Variants in CELF6 observed in about 807,000 individuals in gnomAD.
CELF6 encodes CUGBP Elav-like family member 6.
In CELF6, 32 loss-of-function variants were observed where a neutral mutation model predicts 53.1. That is an observed-to-expected ratio of 0.60 (90% confidence interval 0.46 to 0.81). The LOEUF is 0.81. Ranked by LOEUF, CELF6 falls within the 30% of genes least tolerant of loss-of-function variation. CELF6 has a pLI of 0.00. For synonymous variants in CELF6, 291 were observed against 288.8 expected, an observed-to-expected ratio of 1.01 and a Z score of -0.08; for missense variants, 539 against 669.5, an observed-to-expected ratio of 0.81 and a Z score of 2.15.
intron 3 of CELF6, among the ~76,000 whole-genome samples, chr15:72,295,338 T>C (rs2088064147): frequency 6.7e-6 from 1 of 148,294 alleles, no homozygotes; most frequent in Admixed American, 6.7e-5. Flanking sequence ...TGTTTCAAAA[T>C]ACATAAATAA....
At chr15:72,294,934 T>C (rs1354038968) in intron 3 of CELF6, among the ~76,000 whole-genome samples, 3 of 127,212 alleles carry the variant, frequency 2.4e-5, no homozygotes, top group African/African-American at 9.0e-5. Context: ...GCTGAGATTG[T>C]GCCGCTGCAC....
Position 72,287,274 on chromosome 15 carries a change from C to T in CELF6, c.1437G>A (p.Arg479=). 6.8e-6 allele frequency: 11 copies of T among 1,613,954 alleles called. No individual in the cohort carries two copies. The highest frequency in any genetic ancestry group is 9.3e-6 in the Non-Finnish European group (11 of 1,179,886). Residue 479 remains arginine (R), a synonymous_variant, in exon 12 of 13, where the codon CGG becomes CGA. Transcript: ENST00000287202. ...VQLKRPKDAN[R]PY ...GGTCAGTGAAAGCAGGTCAGTAAGGCCGGTTGGCATCCTTGGGCCGCTTTA... is the reference window on the plus strand; with the variant it reads ...GGTCAGTGAAAGCAGGTCAGTAAGGTCGGTTGGCATCCTTGGGCCGCTTTA...
At chr15:72,299,526 A>AT (rs1302431194) in intron 3 of CELF6, among the ~76,000 whole-genome samples, 1 of 151,524 alleles carries the variant, frequency 6.6e-6, no homozygotes, top group African/African-American at 2.4e-5. Context: ...AGCCCGGCTA[A>AT]TTTTTTTGTA....
At chr15:72,290,474 G>C (rs2087990822) in intron 3 of CELF6, among the ~76,000 whole-genome samples, 1 of 152,192 alleles carries the variant, frequency 6.6e-6, no homozygotes, top group Admixed American at 6.5e-5. Context: ...GGAAAACCTG[G>C]GTCCTGGGGA....
At chr15:72,311,727 C>G (rs949368937) in intron 2 of CELF6, among the ~76,000 whole-genome samples, 1 of 152,180 alleles carries the variant, frequency 6.6e-6, no homozygotes, top group African/African-American at 2.4e-5. Flanking sequence ...TAAGAAGCAT[C>G]TTGAGGGCAA....
chr15:72,301,987 G>A (rs2959934), intron 3 of CELF6, among the ~76,000 whole-genome samples: 2,925 of 152,174 alleles, frequency 0.019, 103 homozygotes, highest in African/African-American at 0.065. Flanking sequence ...CGCCCGCCTC[G>A]GCCTCCCAAA....
chr15:72,288,942 G>A lies in CELF6; in HGVS notation c.1031-12C>T. On this transcript the variant is annotated splice_polypyrimidine_tract_variant and intron_variant, in intron 8 of 12. Coordinates refer to ENST00000287202, the MANE Select transcript of CELF6 (RefSeq NM_052840.5). This position sits in a 1 kb window ranked among gnomAD's most constrained non-coding sequence, Gnocchi z 4.6. ...GCCGGGGCTCTGGGCTGGGGAGAGA[G>A]GGGCGCGAGGCCCACAGTGAAGGCA... 4 of 1,549,408 alleles carry A rather than the reference G, an allele frequency of 2.6e-6. No individual in the cohort carries two copies. Among genetic ancestry groups the A allele is most frequent in the Non-Finnish European group, 3.5e-6 (4 of 1,146,188 alleles).
intron 3 of CELF6, among the ~76,000 whole-genome samples, chr15:72,299,358 T>C (rs536206908): frequency 2.0e-5 from 3 of 150,780 alleles, no homozygotes; most frequent in Admixed American, 6.6e-5. Flanking sequence ...GTTTTTTGTT[T>C]TTTCTTTTTT....
Position 72,319,875 on chromosome 15 carries a change from G to A in CELF6, c.-1C>T. 1 of 1,469,368 alleles carries A rather than the reference G, an allele frequency of 6.8e-7. No homozygotes were observed. The highest frequency in any genetic ancestry group is 9.0e-7 in the Non-Finnish European group (1 of 1,112,690). 91.0% of individuals were successfully genotyped at this position (1,469,368 alleles called of 1,614,324 possible). On this transcript the variant is annotated 5_prime_UTR_variant, in exon 1 of 13. Coordinates refer to ENST00000287202, the MANE Select transcript of CELF6 (RefSeq NM_052840.5). This position sits in a 1 kb window ranked among gnomAD's most constrained non-coding sequence, Gnocchi z 5.0. Reference sequence around the variant, plus strand: ...CTGACCCTCCCGGCGCCGCGGCCATGTCCCCGCCCTGTCAGCCCTCCCGCC... The same window carrying A: ...CTGACCCTCCCGGCGCCGCGGCCATATCCCCGCCCTGTCAGCCCTCCCGCC...
intron 1 of CELF6, among the ~76,000 whole-genome samples, chr15:72,316,620 T>C (rs1427830359): frequency 6.6e-6 from 1 of 152,122 alleles, no homozygotes; most frequent in Admixed American, 6.5e-5. Context: ...CTGGCTCCTC[T>C]AAAAGGGCCA....
In CELF6 at chr15:72,288,338, C is replaced by T. The variant is rs749860510; in HGVS notation, c.1288G>A (p.Asp430Asn). ...GAVVSAKVFV[D>N]RATNQSKCFG... Reference sequence around the variant, plus strand: ...CACTTGCTCTGGTTGGTGGCTCGATCCACAAAGACTTTAGCAGAGACAACG... The same window carrying T: ...CACTTGCTCTGGTTGGTGGCTCGATTCACAAAGACTTTAGCAGAGACAACG... The change falls in exon 11 of 13, where the codon GAT (aspartate) becomes AAT (asparagine). Residue 430 changes from aspartate (D) to asparagine (N), a missense_variant. Physicochemically the swap from Asp to Asn is conservative, Grantham distance 23 (BLOSUM62 1). Coordinates refer to ENST00000287202, the MANE Select transcript of CELF6 (RefSeq NM_052840.5). The surrounding 1 kb of genome is among the most constrained non-coding windows in gnomAD (Gnocchi z 4.6). 4 of 1,614,130 alleles carry T rather than the reference C, an allele frequency of 2.5e-6. No homozygotes were observed. In the South Asian group the frequency reaches 4.4e-5, roughly 18 times the overall value.
chr15:72,288,755 G>A lies in CELF6; in HGVS notation c.1093+113C>T. 7.5e-7 allele frequency: 1 copy of A among 1,324,574 alleles called. No homozygotes were observed. Among genetic ancestry groups the A allele is most frequent in the Non-Finnish European group, 1.1e-6 (1 of 939,360 alleles). The allele number at this position is 1,324,574 out of a possible 1,614,324, so 82.1% of individuals were successfully genotyped here. A position where few individuals can be genotyped will look rare whatever the true frequency, so the allele number is the denominator to read the frequency against. ...CCCAAGAGAGGTCGTTCTGGGGGTA[G>A]GAGGGGATGGGAGGATCAACTCCTT... is the stretch of plus-strand genomic sequence containing the variant. On this transcript the variant is annotated intron_variant, in intron 9 of 12. Coordinates refer to ENST00000287202, the MANE Select transcript of CELF6 (RefSeq NM_052840.5). The surrounding 1 kb of genome is among the most constrained non-coding windows in gnomAD (Gnocchi z 4.6).
intron 1 of CELF6, among the ~76,000 whole-genome samples, chr15:72,316,608 A>C (rs963710350): frequency 6.6e-6 from 1 of 152,100 alleles, no homozygotes; most frequent in African/African-American, 2.4e-5. Flanking sequence ...TGTGCCTCAA[A>C]TCTGGCTCCT....
intron 3 of CELF6, among the ~76,000 whole-genome samples, chr15:72,297,597 A>G (rs965299967): frequency 2.6e-5 from 4 of 152,260 alleles, no homozygotes; most frequent in Non-Finnish European, 5.9e-5. Flanking sequence ...CACATCCTAC[A>G]ACGTGAATGA....
In CELF6 at chr15:72,288,748, G is replaced by A. The variant is rs2141183455; in HGVS notation, c.1093+120C>T. ...CCCTCACCCCAAGAGAGGTCGTTCT[G>A]GGGGTAGGAGGGGATGGGAGGATCA... On this transcript the variant is annotated intron_variant, in intron 9 of 12. Transcript: ENST00000287202. The surrounding 1 kb of genome is among the most constrained non-coding windows in gnomAD (Gnocchi z 4.6). 1 of 1,326,978 alleles carries A rather than the reference G, an allele frequency of 7.5e-7. No homozygotes were observed. The highest frequency in any genetic ancestry group is 1.1e-6 in the Non-Finnish European group (1 of 941,278). 82.2% of individuals were successfully genotyped at this position (1,326,978 alleles called of 1,614,324 possible).
chr15:72,304,021 C>G (rs2088192145), intron 3 of CELF6, among the ~76,000 whole-genome samples: 1 of 152,106 alleles, frequency 6.6e-6, no homozygotes, highest in Non-Finnish European at 1.5e-5. Flanking sequence ...CAGGCATCCA[C>G]TACCACACCC....
chr15:72,287,511 T>C, intron 11 of CELF6, 119 bp from the exon 12 acceptor site: 1 of 1,103,306 alleles, frequency 9.1e-7, no homozygotes, highest in Non-Finnish European at 1.3e-6. Context: ...CACATACCCC[T>C]CCACTGTTTG....
intron 3 of CELF6, 89 bp from the exon 4 acceptor site, chr15:72,290,344 A>C: frequency 6.8e-7 from 1 of 1,466,838 alleles, no homozygotes; most frequent in Non-Finnish European, 9.1e-7. Context: ...GCAGCTCACC[A>C]GTCTCACTCT....
intron 3 of CELF6, among the ~76,000 whole-genome samples, chr15:72,299,805 G>C (rs1387523566): frequency 6.6e-6 from 1 of 152,188 alleles, no homozygotes; most frequent in Non-Finnish European, 1.5e-5. Flanking sequence ...CTGGAGTGTG[G>C]AGTATAGGAA....
Sources: gnomAD v4.1 joint callset for allele counts (sites outside exome capture counted in the v4.1 genomes callset) on GRCh38, gnomAD v4.1.1 for gene constraint, Gnocchi (gnomAD v3.1) non-coding constraint, MANE v1.5 for transcripts, NCBI Gene and HGNC (gene_info 2026-07-23, HGNC 2026-07-21) for gene names.